The following CTNNA3 variants were observed in gnomAD, a reference collection of about 807,000 sequenced individuals.
CTNNA3 encodes the protein catenin alpha 3.
In CTNNA3, 76 loss-of-function variants were observed where a neutral mutation model predicts 95.7. The observed-to-expected ratio is 0.79, with a 90% confidence interval of 0.66 to 0.96. The LOEUF (loss-of-function observed/expected upper bound fraction) is 0.96. Among genes scored for constraint, CTNNA3 ranks in the 40% least tolerant of loss-of-function variants. The pLI is 0.00. For missense variants in CTNNA3, 1,191 were observed against 1,089.8 expected, an observed-to-expected ratio of 1.09 and a Z score of -1.31; for synonymous variants, 431 against 374.4, an observed-to-expected ratio of 1.15 and a Z score of -1.74.
chr10:66,222,599 C>CGAAAGAAAGAAAGAAAGAAAGAAAGAAA (rs67153927), intron 13 of CTNNA3, among the ~76,000 whole-genome samples: 83 of 82,898 alleles, frequency 1.0e-3, no homozygotes, highest in Admixed American at 1.9e-3. Flanking sequence ...AAAGAAAGAA[C>CGAAAGAAAGAAAGAAAGAAAGAAAGAAA]GAAAGAAAGA....
At chr10:66,463,316 C>G (rs1288127510) in intron 11 of CTNNA3, among the ~76,000 whole-genome samples, 1 of 152,088 alleles carries the variant, frequency 6.6e-6, no homozygotes, top group Non-Finnish European at 1.5e-5. Context: ...TGGCATCTCT[C>G]TCCCTTTCTG....
intron 1 of CTNNA3, among the ~76,000 whole-genome samples, chr10:67,647,778 C>T (rs1461770173): frequency 6.6e-6 from 1 of 152,190 alleles, no homozygotes; most frequent in Admixed American, 6.5e-5. Flanking sequence ...AAATTAACAA[C>T]TCATCCGGGG....
rs1483786973 is a variant in CTNNA3, at chr10:66,265,942, A to G, written c.1884+14528T>C. On this transcript the variant is annotated intron_variant, in intron 13 of 17. Coordinates refer to ENST00000433211, the MANE Select transcript of CTNNA3 (RefSeq NM_013266.4). ...ATCTCCATATGGCTAAGTGTTCGAT[A>G]GATTTATTGGCCCGTAGTACGTACT... 2.0e-5 allele frequency among the ~76,000 whole-genome samples: 3 copies of G among 152,040 alleles called. No homozygotes were observed. In the East Asian group the frequency reaches 5.8e-4, roughly 29 times the overall value.
At chr10:66,744,995 T>C (rs1347386227) in intron 9 of CTNNA3, among the ~76,000 whole-genome samples, 1 of 152,214 alleles carries the variant, frequency 6.6e-6, no homozygotes, top group East Asian at 1.9e-4. Context: ...ACAAAAGCTC[T>C]TTAAAAGCTA....
intron 7 of CTNNA3, among the ~76,000 whole-genome samples, chr10:66,877,032 C>T (rs538126482): frequency 1.6e-3 from 239 of 152,190 alleles, no homozygotes; most frequent in African/African-American, 5.1e-3. Flanking sequence ...TCTCTGAAGA[C>T]GCTCAGGACA....
At chr10:67,235,136 C>T (rs552811212) in intron 5 of CTNNA3, among the ~76,000 whole-genome samples, 1 of 152,170 alleles carries the variant, frequency 6.6e-6, no homozygotes, top group East Asian at 1.9e-4. Flanking sequence ...CTACTAATGA[C>T]TTTCTTCACA....
intron 5 of CTNNA3, among the ~76,000 whole-genome samples, chr10:67,500,885 T>C (rs575907433): frequency 1.3e-5 from 2 of 152,360 alleles, no homozygotes; most frequent in African/African-American, 2.4e-5. Flanking sequence ...GTCTCCTGAA[T>C]ACAGCACACT....
chr10:67,232,161 C>T (rs902828494), intron 5 of CTNNA3, among the ~76,000 whole-genome samples: 6 of 152,090 alleles, frequency 3.9e-5, no homozygotes, highest in East Asian at 1.9e-4. Context: ...ATACAGAGAA[C>T]GCCACAAAGA....
In CTNNA3 at chr10:67,251,769, G is replaced by A. The variant is rs148312068; in HGVS notation, c.580-31899C>T. Among the ~76,000 whole-genome samples the A allele has an allele frequency of 1.3e-4, 20 of 152,252 alleles. No individual in the cohort carries two copies. The South Asian group carries it at 2.3e-3, about 17-fold the overall frequency. The stretch of plus-strand genomic sequence containing the variant: ...AGAGCCCCTTCTAGAATTTGCCATC[G>A]TATGGTCAGGTCACAACAGTAAGGA... On this transcript the variant is annotated intron_variant, in intron 5 of 17. Transcript: ENST00000433211.
chr10:67,480,755 G>A (rs1848187073), intron 5 of CTNNA3, among the ~76,000 whole-genome samples: 2 of 152,154 alleles, frequency 1.3e-5, no homozygotes, highest in African/African-American at 2.4e-5. Flanking sequence ...CAGCTCTGAA[G>A]GCTGTTAGCT....
intron 1 of CTNNA3, among the ~76,000 whole-genome samples, chr10:67,729,240 C>T (rs554815205): frequency 2.0e-5 from 3 of 152,212 alleles, no homozygotes; most frequent in Admixed American, 2.0e-4. Flanking sequence ...TAAGCCTGTT[C>T]ATAGGAGAAT....
chr10:66,171,545 C>CA (rs5785752), intron 13 of CTNNA3, among the ~76,000 whole-genome samples: 241 of 129,408 alleles, frequency 1.9e-3, no homozygotes, highest in African/African-American at 3.9e-3. Context: ...GACTCCATCT[C>CA]AAAAAAAAAA....
At chr10:66,481,452 C>A (rs997912000) in intron 11 of CTNNA3, among the ~76,000 whole-genome samples, 1 of 146,128 alleles carries the variant, frequency 6.8e-6, no homozygotes, top group African/African-American at 2.5e-5. Flanking sequence ...AAACCTTATT[C>A]CCTTGTTTCT....
At chr10:66,022,301 C>T (rs977685976) in intron 15 of CTNNA3, among the ~76,000 whole-genome samples, 10 of 152,114 alleles carry the variant, frequency 6.6e-5, no homozygotes, top group African/African-American at 1.9e-4. Flanking sequence ...TCTCCAGTAG[C>T]TTTAAACAAA....
chr10:66,963,591 G>C (rs931244515), intron 7 of CTNNA3, among the ~76,000 whole-genome samples: 1 of 152,076 alleles, frequency 6.6e-6, no homozygotes, highest in Non-Finnish European at 1.5e-5. Context: ...TGGGTAGAGA[G>C]GTTTACTGGG....
intron 11 of CTNNA3, among the ~76,000 whole-genome samples, chr10:66,465,328 G>T (rs987997605): frequency 6.6e-6 from 1 of 152,096 alleles, no homozygotes; most frequent in Non-Finnish European, 1.5e-5. Flanking sequence ...CTTGTAGTTG[G>T]TTATAAAATT....
At chr10:66,155,850 A>G (rs2084473602) in intron 13 of CTNNA3, among the ~76,000 whole-genome samples, 3 of 152,016 alleles carry the variant, frequency 2.0e-5, no homozygotes, top group South Asian at 2.1e-4. Context: ...TTTAAAAGAC[A>G]TTGTTAATAG....
At chr10:67,453,733 T>C (rs753520095) in intron 5 of CTNNA3, among the ~76,000 whole-genome samples, 81 of 152,200 alleles carry the variant, frequency 5.3e-4, no homozygotes, top group Non-Finnish European at 9.9e-4. Context: ...ATCTGCAAGA[T>C]TCCCAGGCTT....
chr10:66,483,815 G>A (rs1032048886), intron 11 of CTNNA3, among the ~76,000 whole-genome samples: 1 of 152,078 alleles, frequency 6.6e-6, no homozygotes, highest in African/African-American at 2.4e-5. Context: ...GACTAAGCCA[G>A]ATGGGGCTAA....
Sources: allele counts gnomAD v4.1 joint callset (sites outside exome capture counted in the v4.1 genomes callset), GRCh38; gene constraint gnomAD v4.1.1; transcripts MANE v1.5; gene names NCBI Gene and HGNC (gene_info 2026-07-23, HGNC 2026-07-21).